The following DNAJC6 variants were observed in gnomAD, a reference collection of about 807,000 sequenced individuals.
DNAJC6 encodes the protein auxilin.
DNAJC6 carries 34 observed loss-of-function variants against 110.0 expected under a neutral mutation model. The ratio of observed to expected loss-of-function variants is 0.31; its 90% CI spans 0.24 to 0.41. The LOEUF is 0.41. Ranked by LOEUF, DNAJC6 falls within the 10% of genes least tolerant of loss-of-function variation. DNAJC6 has a pLI of 1.00. For synonymous variants in DNAJC6, 406 were observed against 437.2 expected, an observed-to-expected ratio of 0.93 and a Z score of 0.89; for missense variants, 1,031 against 1,207.8, an observed-to-expected ratio of 0.85 and a Z score of 2.17.
chr1:65,305,959 C>A (rs1452175420), upstream of DNAJC6, among the ~76,000 whole-genome samples: 1 of 151,938 alleles, frequency 6.6e-6, no homozygotes, highest in African/African-American at 2.4e-5. Context: ...ATTATGATGG[C>A]ATTACTATAA....
chr1:65,399,733 C>G (rs1646012734), intron 14 of DNAJC6, among the ~76,000 whole-genome samples: 1 of 152,164 alleles, frequency 6.6e-6, no homozygotes, highest in East Asian at 1.9e-4. Context: ...TGGCCACCAC[C>G]CTTCTACATG....
chr1:65,290,346 G>T (rs1644858758), intron 1 of DNAJC6, among the ~76,000 whole-genome samples: 1 of 152,124 alleles, frequency 6.6e-6, no homozygotes, highest in Non-Finnish European at 1.5e-5. Context: ...TGGATGAACC[G>T]AAATTCTTTA....
chr1:65,375,851 T>A (rs965204963), intron 4 of DNAJC6, among the ~76,000 whole-genome samples: 9 of 152,252 alleles, frequency 5.9e-5, no homozygotes, highest in Non-Finnish European at 1.3e-4. Context: ...GTAGTTTTCC[T>A]TCTTTGTTGT....
In DNAJC6 at chr1:65,414,988, T is replaced by A. The variant is rs550962856; in HGVS notation, c.*1963T>A. 2 of 152,540 alleles carry A rather than the reference T, an allele frequency of 1.3e-5. No homozygotes were observed. Among genetic ancestry groups the A allele is most frequent in the Non-Finnish European group, 2.9e-5 (2 of 68,038 alleles). 9.4% of individuals were successfully genotyped at this position (152,540 alleles called of 1,614,324 possible). The stretch of plus-strand genomic sequence containing the variant: ...CAGTTTAAAACATCATTAAACATTA[T>A]GTAATTACAATGAGAAAGAATCTTA... On this transcript the variant is annotated 3_prime_UTR_variant, in exon 19 of 19. Transcript: ENST00000371069.
At position 65,288,044 on chromosome 1, in the gene DNAJC6, C is replaced by T. The variant is rs117793471; in HGVS notation, c.-131+23112C>T. Among the ~76,000 whole-genome samples the T allele has an allele frequency of 2.1e-3, 314 of 152,264 alleles. 5 individuals are homozygous for T. The East Asian group carries it at 0.041, about 20-fold the overall frequency. ...GCCTTGTACTCTGCCTGGTGTTCCC[C>T]TGTCCATTGAACCTCTTGTTGCCCT... On this transcript the variant is annotated intron_variant, in intron 1 of 19. Transcript: ENST00000263441.
chr1:65,285,261 TCTC>T (rs980637344), intron 1 of DNAJC6, among the ~76,000 whole-genome samples: 3 of 152,208 alleles, frequency 2.0e-5, no homozygotes, highest in African/African-American at 7.2e-5. Flanking sequence ...TTTTCACAAA[TCTC>T]CTATACATGA....
In DNAJC6 at chr1:65,392,609, A is replaced by C. The variant is rs937866087; in HGVS notation, c.1647A>C (p.Pro549=). The part of the protein sequence containing the change: ...SKKQQEPAAP[P]PPEDVDLLGL... Reference sequence around the variant, plus strand: ...AGCAGCAGGAGCCAGCAGCCCCTCCACCCCCTGAGGATGTGGACCTTTTGG... The same window carrying C: ...AGCAGCAGGAGCCAGCAGCCCCTCCCCCCCCTGAGGATGTGGACCTTTTGG... Residue 549 remains proline, a synonymous_variant, in exon 12 of 19, where the codon CCA becomes CCC. Transcript: ENST00000371069. The C allele has an allele frequency of 5.1e-5, 82 of 1,613,636 alleles. No individual in the cohort carries two copies. Among genetic ancestry groups the C allele is most frequent in the Non-Finnish European group, 6.4e-5 (76 of 1,179,926 alleles).
chr1:65,283,055 A>C (rs1259803007), intron 1 of DNAJC6, among the ~76,000 whole-genome samples: 1 of 152,192 alleles, frequency 6.6e-6, no homozygotes, highest in Non-Finnish European at 1.5e-5. Flanking sequence ...TTCATCCTCT[A>C]GCCTCCCTGA....
chr1:65,305,091 T>G (rs1317775054), upstream of DNAJC6, among the ~76,000 whole-genome samples: 1 of 152,236 alleles, frequency 6.6e-6, no homozygotes, highest in African/African-American at 2.4e-5. Context: ...TTATGTTTGT[T>G]AAAACAGAAA....
At chr1:65,345,190 G>A (rs904970920) in intron 1 of DNAJC6, among the ~76,000 whole-genome samples, 1 of 151,772 alleles carries the variant, frequency 6.6e-6, no homozygotes, top group Admixed American at 6.6e-5. Flanking sequence ...GGTTGTGGCA[G>A]TTCCTAGCTG....
At chr1:65,374,844 CGTT>C (rs1302921655) in intron 4 of DNAJC6, among the ~76,000 whole-genome samples, 5 of 152,112 alleles carry the variant, frequency 3.3e-5, no homozygotes, top group Admixed American at 2.0e-4. Context: ...AAGTGGGTAT[CGTT>C]GTTGTGTTCC....
chr1:65,408,815 C>A, intron 17 of DNAJC6, 32 bp downstream of exon 17: 1 of 1,604,864 alleles, frequency 6.2e-7, no homozygotes, highest in Non-Finnish European at 8.5e-7. Context: ...GCTTGATTAT[C>A]CTATATGACA....
chr1:65,281,936 A>T (rs1653866497), intron 1 of DNAJC6, among the ~76,000 whole-genome samples: 1 of 148,818 alleles, frequency 6.7e-6, no homozygotes, highest in South Asian at 2.1e-4. Flanking sequence ...TTACTCATTT[A>T]TTTATTTTGA....
chr1:65,270,158 A>G (rs1653458493), intron 1 of DNAJC6, among the ~76,000 whole-genome samples: 1 of 152,190 alleles, frequency 6.6e-6, no homozygotes, highest in African/African-American at 2.4e-5. Flanking sequence ...AAATCTATAT[A>G]CAAGTGCAAG....
Position 65,413,096 on chromosome 1 carries a change from C to A in DNAJC6, c.*71C>A. 1 of 1,355,714 alleles carries A rather than the reference C, an allele frequency of 7.4e-7. No individual in the cohort carries two copies. The highest frequency in any genetic ancestry group is 1.3e-5 in the South Asian group (1 of 79,710). The allele number at this position is 1,355,714 out of a possible 1,614,324, so 84.0% of individuals were successfully genotyped here. A position where few individuals can be genotyped will look rare whatever the true frequency, so the allele number is the denominator to read the frequency against. On this transcript the variant is annotated 3_prime_UTR_variant, in exon 19 of 19. Coordinates refer to ENST00000371069, the MANE Select transcript of DNAJC6 (RefSeq NM_001256864.2). ...GTGTGTGTCACAATTCTGAGGTTTT[C>A]GCAGATGAACCAAAAACTCCAGTAA...
intron 1 of DNAJC6, among the ~76,000 whole-genome samples, chr1:65,304,481 T>G (rs1645019303): frequency 6.6e-6 from 1 of 152,220 alleles, no homozygotes; most frequent in African/African-American, 2.4e-5. Flanking sequence ...CTGTAGCACT[T>G]AAATGACTAT....
intron 1 of DNAJC6, among the ~76,000 whole-genome samples, chr1:65,267,339 G>A (rs1653368890): frequency 6.6e-6 from 1 of 152,072 alleles, no homozygotes; most frequent in Non-Finnish European, 1.5e-5. Context: ...TTTCTTTATC[G>A]CTAAAATGGA....
In DNAJC6 at chr1:65,265,843, G is replaced by A. The variant is rs376939093; in HGVS notation, c.-131+911G>A. Among the ~76,000 whole-genome samples, 460 of 152,000 alleles carry A rather than the reference G, an allele frequency of 3.0e-3. 4 individuals carry two copies. Among genetic ancestry groups the A allele is most frequent in the African/African-American group, 0.011 (437 of 41,568 alleles). ...AAGGGCGCAGCGGAGTCGCGTGCCC[G>A]TCCGGGCGGAGGACGCCGTCTCCGC... On this transcript the variant is annotated intron_variant, in intron 1 of 19. Transcript: ENST00000263441.
intron 1 of DNAJC6, among the ~76,000 whole-genome samples, chr1:65,352,977 G>C (rs143627102): frequency 1.3e-5 from 2 of 152,062 alleles, no homozygotes; most frequent in Non-Finnish European, 2.9e-5. Context: ...CTGAAATGTC[G>C]AACAGAAAAT....
Sources: allele counts gnomAD v4.1 joint callset (sites outside exome capture counted in the v4.1 genomes callset), GRCh38; gene constraint gnomAD v4.1.1; transcripts MANE v1.5; gene names NCBI Gene and HGNC (gene_info 2026-07-23, HGNC 2026-07-21).